The following HIVEP1 variants were observed in gnomAD, a reference collection of about 807,000 sequenced individuals.
HIVEP1 encodes zinc finger protein 40.
HIVEP1 carries 36 observed loss-of-function variants against 180.0 expected under a neutral mutation model. The ratio of observed to expected loss-of-function variants is 0.20; its 90% CI spans 0.15 to 0.26. The LOEUF (loss-of-function observed/expected upper bound fraction) is 0.26, where lower values mean the gene tolerates loss of function less well. Ranked by LOEUF, HIVEP1 falls within the 10% of genes least tolerant of loss-of-function variation. HIVEP1 has a pLI of 1.00. For synonymous variants in HIVEP1, 1,239 were observed against 1,239.0 expected (o/e 1.00, Z 0.00); for missense variants, 3,143 against 3,268.7 (o/e 0.96, Z 0.94).
chr6:12,064,726 G>A (rs982669113), intron 2 of HIVEP1, among the ~76,000 whole-genome samples: 1 of 152,220 alleles, frequency 6.6e-6, no homozygotes, highest in South Asian at 2.1e-4. Flanking sequence ...TTCATTTTTT[G>A]TGTGTCCCCT....
At chr6:12,096,903 G>A (rs919861333) in intron 3 of HIVEP1, among the ~76,000 whole-genome samples, 1 of 152,092 alleles carries the variant, frequency 6.6e-6, no homozygotes, top group East Asian at 1.9e-4. Context: ...AAGAGAGAAG[G>A]TGAAAATGTT....
chr6:12,036,348 A>G (rs762726062), intron 2 of HIVEP1, among the ~76,000 whole-genome samples: 8 of 152,240 alleles, frequency 5.3e-5, no homozygotes, highest in Non-Finnish European at 7.3e-5. Flanking sequence ...AACATGAAAA[A>G]TGTTCATTAT....
chr6:12,192,827 T>A, the HIVEP1 span, among the ~76,000 whole-genome samples: 1 of 152,084 alleles, frequency 6.6e-6, no homozygotes, highest in South Asian at 2.1e-4. Context: ...AGGAACATTT[T>A]AAGTTCTATT....
chr6:12,169,331 T>A (rs1760838888), downstream of HIVEP1, among the ~76,000 whole-genome samples: 1 of 152,072 alleles, frequency 6.6e-6, no homozygotes, highest in South Asian at 2.1e-4. Flanking sequence ...CACACACAGG[T>A]TTATCTGGAA....
the HIVEP1 span, among the ~76,000 whole-genome samples, chr6:12,198,750 A>G: frequency 6.6e-6 from 1 of 152,168 alleles, no homozygotes; most frequent in Non-Finnish European, 1.5e-5. Flanking sequence ...GAAAGAGAGA[A>G]CCATGCAGAT....
chr6:12,156,148 G>A (rs1760029431), intron 7 of HIVEP1, among the ~76,000 whole-genome samples: 1 of 152,036 alleles, frequency 6.6e-6, no homozygotes, highest in Non-Finnish European at 1.5e-5. Flanking sequence ...CTGGACATTA[G>A]ACCTTTGTCA....
At chr6:12,042,303 C>T (rs6906944) in intron 2 of HIVEP1, among the ~76,000 whole-genome samples, 1 of 145,580 alleles carries the variant, frequency 6.9e-6, no homozygotes, top group Non-Finnish European at 1.5e-5. Context: ...GGATGGTCTC[C>T]ATCTCCTGAC....
Position 12,121,827 on chromosome 6 carries a change from C to T in HIVEP1, c.2032C>T (p.Arg678Cys), listed in dbSNP as rs775810482. 3 of 1,614,182 alleles carry T rather than the reference C, an allele frequency of 1.9e-6. No individual in the cohort carries two copies. Among genetic ancestry groups the T allele is most frequent in the Non-Finnish European group, 2.5e-6 (3 of 1,180,036 alleles). The change falls in exon 4 of 9, where the codon CGT (arginine) becomes TGT (cysteine). Residue 678 changes from arginine to cysteine, a missense_variant. Around this residue, in one of 12 missense-constraint regions of HIVEP1, gnomAD observed 365 missense variants for 344.4 expected, o/e 1.06. Coordinates refer to ENST00000379388, the MANE Select transcript of HIVEP1 (RefSeq NM_002114.4). This position sits in a 1 kb window ranked among gnomAD's most constrained non-coding sequence, Gnocchi z 5.3. The stretch of plus-strand genomic sequence containing the variant: ...AAGTACGGATTCTGGTTACTTTTCA[C>T]GTTCTGAAAGTGCCGATCAAACAGT... ...LGSTDSGYFS[R>C]SESADQTVSP...
the HIVEP1 span, among the ~76,000 whole-genome samples, chr6:12,170,200 T>C: frequency 6.6e-6 from 1 of 151,854 alleles, no homozygotes; most frequent in African/African-American, 2.4e-5. Flanking sequence ...TCAGTTCTAG[T>C]AGAAGAGTAA....
At chr6:12,129,124 C>T (rs1418504995) in intron 4 of HIVEP1, among the ~76,000 whole-genome samples, 3 of 152,076 alleles carry the variant, frequency 2.0e-5, no homozygotes, top group African/African-American at 7.2e-5. Flanking sequence ...GTGGGAGGAC[C>T]TCTTGAGCCC....
At chr6:12,028,037 T>C (rs1377558801) in intron 2 of HIVEP1, among the ~76,000 whole-genome samples, 4 of 152,252 alleles carry the variant, frequency 2.6e-5, no homozygotes, top group Non-Finnish European at 4.4e-5. Flanking sequence ...TGGGGAATAC[T>C]TTGGAAAGCA....
At chr6:12,073,195 G>T (rs1444306485) in intron 2 of HIVEP1, among the ~76,000 whole-genome samples, 2 of 152,206 alleles carry the variant, frequency 1.3e-5, no homozygotes, top group Non-Finnish European at 2.9e-5. Flanking sequence ...TGAAGTTTCA[G>T]TGGAAATAGA....
intron 6 of HIVEP1, 138 bp from the exon 7 acceptor site, chr6:12,135,653 T>C (rs1758662244): frequency 3.5e-6 from 2 of 578,014 alleles, no homozygotes; most frequent in East Asian, 5.8e-5. Flanking sequence ...AAATTTTCTT[T>C]TGTTCACATT....
intron 2 of HIVEP1, among the ~76,000 whole-genome samples, chr6:12,057,458 G>A (rs942376645): frequency 5.9e-5 from 9 of 152,084 alleles, no homozygotes; most frequent in Non-Finnish European, 1.2e-4. Flanking sequence ...TGGTAGTTTT[G>A]CATGTGAGTA....
chr6:12,163,543 C>T lies in HIVEP1; in HGVS notation c.7239C>T (p.Tyr2413=), dbSNP rs757386487. The stretch of plus-strand genomic sequence containing the variant: ...ATGTGGTACCTGCTGGCCTCACATA[C>T]TCCACGTTTGTGCCCCTTCAGGCTG... ...GIHVVPAGLT[Y]STFVPLQAGP... is the part of the protein sequence containing the mutation. The change falls in exon 9 of 9, where the codon TAC becomes TAT. Residue 2413 remains tyrosine (Y), a synonymous_variant. Transcript: ENST00000379388. The T allele has an allele frequency of 6.2e-7, 1 of 1,614,088 alleles. No homozygotes were observed. The highest frequency in any genetic ancestry group is 8.5e-7 in the Non-Finnish European group (1 of 1,180,040).
At chr6:12,073,766 T>C (rs953229857) in intron 2 of HIVEP1, among the ~76,000 whole-genome samples, 5 of 152,198 alleles carry the variant, frequency 3.3e-5, no homozygotes, top group African/African-American at 1.2e-4. Flanking sequence ...TGAGTAGATA[T>C]TAAAATCTTG....
intron 2 of HIVEP1, among the ~76,000 whole-genome samples, chr6:12,086,822 G>A (rs971671698): frequency 6.6e-6 from 1 of 152,028 alleles, no homozygotes; most frequent in Non-Finnish European, 1.5e-5. Context: ...CTGTCACGGT[G>A]AAAAAATATA....
chr6:12,124,016 A>G lies in HIVEP1; in HGVS notation c.4221A>G (p.Pro1407=), dbSNP rs551503209. The G allele has an allele frequency of 2.6e-5, 42 of 1,614,076 alleles. No individual in the cohort carries two copies. In the South Asian group the frequency reaches 3.4e-4, roughly 13 times the overall value. The change falls in exon 4 of 9, where the codon CCA becomes CCG. Residue 1407 remains proline, a synonymous_variant. Coordinates refer to ENST00000379388, the MANE Select transcript of HIVEP1 (RefSeq NM_002114.4). ...QTTPLTELQP[P]SSPSRVGVTG... ...CACCACTTACTGAATTGCAGCCTCC[A>G]TCTTCACCTTCTCGAGTGGGAGTGA...
chr6:12,166,463 T>A (rs1335270508), downstream of HIVEP1, among the ~76,000 whole-genome samples: 1 of 152,236 alleles, frequency 6.6e-6, no homozygotes, highest in Non-Finnish European at 1.5e-5. Context: ...TTTGGGCTTT[T>A]CAAAATTCAA....
Sources: allele counts gnomAD v4.1 joint callset (sites outside exome capture counted in the v4.1 genomes callset), GRCh38; gene constraint gnomAD v4.1.1; regional missense constraint gnomAD v4.1.1; non-coding constraint Gnocchi (gnomAD v3.1); transcripts MANE v1.5; gene names NCBI Gene and HGNC (gene_info 2026-07-23, HGNC 2026-07-21).